The following CCSER1 variants were observed in gnomAD, a reference collection of about 807,000 sequenced individuals.
The protein encoded by CCSER1 is serine-rich coiled-coil domain-containing protein 1.
In CCSER1, 41 loss-of-function variants were observed where a neutral mutation model predicts 82.0. That is an observed-to-expected ratio of 0.50 (90% CI 0.39 to 0.65). The LOEUF (loss-of-function observed/expected upper bound fraction) is 0.65. Ranked by LOEUF, CCSER1 falls within the 30% of genes least tolerant of loss-of-function variation. The pLI, the probability that CCSER1 is intolerant of heterozygous loss-of-function variation, is 0.00. For synonymous variants in CCSER1, 414 were observed against 383.9 expected, an observed-to-expected ratio of 1.08 and a Z score of -0.92; for missense variants, 1,119 against 1,064.2, an observed-to-expected ratio of 1.05 and a Z score of -0.72.
intron 10 of CCSER1, among the ~76,000 whole-genome samples, chr4:91,170,569 C>G (rs1334984327): frequency 6.6e-6 from 1 of 152,140 alleles, no homozygotes; most frequent in African/African-American, 2.4e-5. Context: ...CAGCTCTAGG[C>G]TTGAACCACT....
chr4:91,101,105 G>T (rs543808380), intron 10 of CCSER1, among the ~76,000 whole-genome samples: 45 of 152,264 alleles, frequency 3.0e-4, no homozygotes, highest in African/African-American at 1.0e-3. Context: ...ATCACTGTGG[G>T]ATGATAAAAC....
intron 7 of CCSER1, among the ~76,000 whole-genome samples, chr4:90,810,331 A>G (rs1249151804): frequency 6.6e-6 from 1 of 152,244 alleles, no homozygotes; most frequent in African/African-American, 2.4e-5. Context: ...AATAGAAACT[A>G]TATGCTCAAA....
chr4:90,748,078 C>G (rs1747835415), intron 7 of CCSER1, among the ~76,000 whole-genome samples: 2 of 141,460 alleles, frequency 1.4e-5, no homozygotes, highest in African/African-American at 5.4e-5. Flanking sequence ...GGTACATGTG[C>G]ACATTGTGCA....
intron 9 of CCSER1, among the ~76,000 whole-genome samples, chr4:91,044,968 A>G (rs1205170326): frequency 6.6e-6 from 1 of 152,206 alleles, no homozygotes; most frequent in Non-Finnish European, 1.5e-5. Context: ...CTTGCTCAGA[A>G]AAGAACTTAT....
At chr4:90,279,847 G>A (rs1728565262) in intron 1 of CCSER1, among the ~76,000 whole-genome samples, 1 of 151,950 alleles carries the variant, frequency 6.6e-6, no homozygotes, top group Non-Finnish European at 1.5e-5. Context: ...TGGTATGAAT[G>A]AAAATTGTAT....
At chr4:90,749,589 C>T (rs1748207189) in intron 7 of CCSER1, among the ~76,000 whole-genome samples, 1 of 152,044 alleles carries the variant, frequency 6.6e-6, no homozygotes. Flanking sequence ...TCATTGGTAG[C>T]TTGATGGGGA....
chr4:90,364,994 T>C (rs1206357645), intron 3 of CCSER1, among the ~76,000 whole-genome samples: 1 of 151,932 alleles, frequency 6.6e-6, no homozygotes, highest in Non-Finnish European at 1.5e-5. Flanking sequence ...ACCATCAGTA[T>C]GGAACTTTGA....
intron 8 of CCSER1, among the ~76,000 whole-genome samples, chr4:90,839,335 G>A (rs1242929245): frequency 1.3e-5 from 2 of 152,176 alleles, no homozygotes; most frequent in Non-Finnish European, 2.9e-5. Context: ...ATTAAGCAGA[G>A]CATGTTTCAG....
chr4:90,752,497 T>C, intron 7 of CCSER1, among the ~76,000 whole-genome samples: 1 of 152,134 alleles, frequency 6.6e-6, no homozygotes, highest in African/African-American at 2.4e-5. Flanking sequence ...ATCAGCTATG[T>C]AGGTAATATT....
intron 1 of CCSER1, among the ~76,000 whole-genome samples, chr4:90,233,266 A>C (rs929036373): frequency 4.6e-5 from 7 of 152,134 alleles, no homozygotes; most frequent in Non-Finnish European, 8.8e-5. Flanking sequence ...AATGTGGCAC[A>C]TATACACCAT....
chr4:91,321,576 A>G (rs770933435), intron 10 of CCSER1, among the ~76,000 whole-genome samples: 7 of 151,994 alleles, frequency 4.6e-5, no homozygotes, highest in Non-Finnish European at 7.4e-5. Context: ...TTATTTTTTT[A>G]TTGTTCATGA....
chr4:91,355,883 G>C (rs1016125594), intron 10 of CCSER1, among the ~76,000 whole-genome samples: 7 of 152,190 alleles, frequency 4.6e-5, no homozygotes, highest in Non-Finnish European at 8.8e-5. Context: ...TGTTTCACTG[G>C]GCTCCCTGAT....
intron 10 of CCSER1, among the ~76,000 whole-genome samples, chr4:91,450,850 C>A (rs944302394): frequency 3.9e-5 from 6 of 151,904 alleles, no homozygotes; most frequent in African/African-American, 1.5e-4. Flanking sequence ...ATTATCAGAG[C>A]TCAGACAGGG....
At chr4:91,537,004 CT>C (rs1761331754) in intron 10 of CCSER1, among the ~76,000 whole-genome samples, 2 of 152,046 alleles carry the variant, frequency 1.3e-5, no homozygotes, top group Admixed American at 1.3e-4. Flanking sequence ...TTATGTCTAC[CT>C]TTTGTGATGT....
intron 10 of CCSER1, among the ~76,000 whole-genome samples, chr4:91,591,138 A>G (rs191484632): frequency 6.6e-6 from 1 of 152,234 alleles, no homozygotes; most frequent in African/African-American, 2.4e-5. Flanking sequence ...CAAGGATGCT[A>G]CTAACATCCT....
chr4:91,401,831 G>A (rs569822101), intron 10 of CCSER1, among the ~76,000 whole-genome samples: 1 of 152,168 alleles, frequency 6.6e-6, no homozygotes, highest in East Asian at 1.9e-4. Context: ...CCAAGTCTTT[G>A]CTATTGTGAA....
chr4:91,101,854 A>T (rs1020312285), intron 10 of CCSER1, among the ~76,000 whole-genome samples: 3 of 152,260 alleles, frequency 2.0e-5, no homozygotes, highest in Non-Finnish European at 4.4e-5. Flanking sequence ...GTCCTAAGTA[A>T]CAGAGCAGGT....
chr4:91,548,253 C>A (rs967485848), intron 10 of CCSER1, among the ~76,000 whole-genome samples: 1 of 152,144 alleles, frequency 6.6e-6, no homozygotes, highest in African/African-American at 2.4e-5. Flanking sequence ...ACAGGTAATG[C>A]AATTACCTTA....
chr4:91,041,570 A>G (rs1741957907), intron 9 of CCSER1, among the ~76,000 whole-genome samples: 1 of 152,198 alleles, frequency 6.6e-6, no homozygotes, highest in Non-Finnish European at 1.5e-5. Flanking sequence ...ATCCCCAGGT[A>G]TGGACAATGC....
Sources: allele counts gnomAD v4.1 joint callset (sites outside exome capture counted in the v4.1 genomes callset), GRCh38; gene constraint gnomAD v4.1.1; transcripts MANE v1.5; gene names NCBI Gene and HGNC (gene_info 2026-07-23, HGNC 2026-07-21).